The following BCKDHB variants were observed in gnomAD, a reference collection of about 807,000 sequenced individuals.
The protein encoded by BCKDHB is branched chain keto acid dehydrogenase E1 subunit beta.
BCKDHB carries 41 observed loss-of-function variants against 48.5 expected under a neutral mutation model. The ratio of observed to expected loss-of-function variants is 0.85; its 90% CI spans 0.66 to 1.10. BCKDHB has a LOEUF of 1.10. BCKDHB is among the 50% of genes least tolerant of loss of function. The pLI, the probability that BCKDHB is intolerant of heterozygous loss-of-function variation, is 0.00. For missense variants in BCKDHB, 496 were observed against 494.2 expected (o/e 1.00, Z -0.03); for synonymous variants, 201 against 174.8 (o/e 1.15, Z -1.18).
At chr6:80,294,474 A>G (rs1185106196) in intron 9 of BCKDHB, among the ~76,000 whole-genome samples, 2 of 152,210 alleles carry the variant, frequency 1.3e-5, no homozygotes, top group South Asian at 2.1e-4. Flanking sequence ...GTGGGGTTGG[A>G]CAAAAAGAGC....
the BCKDHB span, among the ~76,000 whole-genome samples, chr6:80,433,391 A>T: frequency 6.6e-6 from 1 of 152,166 alleles, no homozygotes. Context: ...GTCTGGCCTC[A>T]GAGGCCTTGC....
chr6:80,256,420 G>A (rs911335571), intron 8 of BCKDHB, among the ~76,000 whole-genome samples: 1 of 152,172 alleles, frequency 6.6e-6, no homozygotes, highest in African/African-American at 2.4e-5. Context: ...ACAATGGTAA[G>A]TATTTGTGTA....
chr6:80,447,810 C>G, the BCKDHB span, among the ~76,000 whole-genome samples: 1 of 152,106 alleles, frequency 6.6e-6, no homozygotes, highest in Non-Finnish European at 1.5e-5. Flanking sequence ...ACTAGGCACT[C>G]TCTGTTCAAT....
the BCKDHB span, among the ~76,000 whole-genome samples, chr6:80,411,100 T>G: frequency 2.6e-5 from 4 of 152,186 alleles, no homozygotes. Context: ...CCTTTGGTCT[T>G]TGATGTTGGT....
the BCKDHB span, among the ~76,000 whole-genome samples, chr6:80,413,880 T>C: frequency 8.5e-5 from 13 of 152,194 alleles, no homozygotes; most frequent in Admixed American, 4.6e-4. Flanking sequence ...TGCAACACTG[T>C]CTTCCACAAT....
rs980271237 is a variant in BCKDHB at position 80,131,646 on chromosome 6, CT to C, written c.343+2431del. On this transcript the variant is annotated intron_variant, in intron 3 of 9. Transcript: ENST00000320393. Reference sequence around the variant, plus strand: ...ATTTCTTAGCAGGACATACAAAATACTTTTTTTTTTTTTTGAGATGGAGTCT... The same window carrying C: ...ATTTCTTAGCAGGACATACAAAATACTTTTTTTTTTTTTGAGATGGAGTCT... 7.6e-3 allele frequency among the ~76,000 whole-genome samples: 1,106 copies of C among 145,074 alleles called. 7 individuals are homozygous for C. Among genetic ancestry groups the C allele is most frequent in the African/African-American group, 0.02 (789 of 39,964 alleles).
In BCKDHB at chr6:80,172,307, G is replaced by A. The variant is rs540277510; in HGVS notation, c.742+917G>A. ...ATATTAGAACATTTCTACTTAGTAA[G>A]GAACATGGTCATTATATTGGATGAA... On this transcript the variant is annotated intron_variant, in intron 6 of 9. Coordinates refer to ENST00000320393, the MANE Select transcript of BCKDHB (RefSeq NM_183050.4). 2.1e-3 allele frequency among the ~76,000 whole-genome samples: 318 copies of A among 151,888 alleles called. 4 individuals are homozygous for A. Among genetic ancestry groups the A allele is most frequent in the Non-Finnish European group, 4.0e-3 (272 of 67,876 alleles).
At chr6:80,113,646 G>A (rs557086618) in intron 1 of BCKDHB, among the ~76,000 whole-genome samples, 14 of 152,326 alleles carry the variant, frequency 9.2e-5, no homozygotes, top group Middle Eastern at 3.4e-3. Context: ...TCCAAAATAC[G>A]TTACTGGTGG....
At chr6:80,190,320 A>G (rs369926339) in intron 6 of BCKDHB, among the ~76,000 whole-genome samples, 129 of 152,314 alleles carry the variant, frequency 8.5e-4, no homozygotes, top group African/African-American at 3.0e-3. Flanking sequence ...TTTTTAAAAT[A>G]CACAGTTTTT....
chr6:80,324,204 C>T (rs1234478344), intron 9 of BCKDHB, among the ~76,000 whole-genome samples: 2 of 152,210 alleles, frequency 1.3e-5, no homozygotes, highest in Non-Finnish European at 2.9e-5. Context: ...AGCTGGTTCT[C>T]AGTCCTGGTT....
the BCKDHB span, among the ~76,000 whole-genome samples, chr6:80,412,722 C>G: frequency 1.3e-5 from 2 of 152,132 alleles, no homozygotes; most frequent in Non-Finnish European, 2.9e-5. Context: ...GTGTGACCAA[C>G]TCCTTCAGCT....
chr6:80,184,352 T>G (rs781217673), intron 6 of BCKDHB, among the ~76,000 whole-genome samples: 2 of 152,198 alleles, frequency 1.3e-5, no homozygotes, highest in Non-Finnish European at 2.9e-5. Flanking sequence ...TAAGTGAGTC[T>G]CTTGAAGACA....
chr6:80,397,833 C>T, the BCKDHB span, among the ~76,000 whole-genome samples: 3 of 152,134 alleles, frequency 2.0e-5, no homozygotes. Context: ...GAGCTGAGAT[C>T]ACACCACTGC....
chr6:80,310,305 A>G (rs1768090742), intron 9 of BCKDHB, among the ~76,000 whole-genome samples: 1 of 152,022 alleles, frequency 6.6e-6, no homozygotes, highest in East Asian at 1.9e-4. Flanking sequence ...CAGTGTGTCC[A>G]TGTGTTCTCA....
At chr6:80,336,494 A>C (rs575359407) in intron 9 of BCKDHB, among the ~76,000 whole-genome samples, 1,242 of 70,580 alleles carry the variant, frequency 0.018, 39 homozygotes, top group African/African-American at 0.052. Context: ...AGCAAAAAAA[A>C]CCAAAAAAAC....
At chr6:80,339,372 C>T (rs1769775514) in intron 9 of BCKDHB, among the ~76,000 whole-genome samples, 1 of 151,952 alleles carries the variant, frequency 6.6e-6, no homozygotes, top group African/African-American at 2.4e-5. Context: ...GTTGTCTGTC[C>T]TTCCTAATTT....
At chr6:80,382,383 A>G in the BCKDHB span, among the ~76,000 whole-genome samples, 1 of 152,184 alleles carries the variant, frequency 6.6e-6, no homozygotes, top group Non-Finnish European at 1.5e-5. Flanking sequence ...TTCTAATTGT[A>G]TGGAGCCAAA....
At chr6:80,416,154 C>T in the BCKDHB span, among the ~76,000 whole-genome samples, 1 of 151,204 alleles carries the variant, frequency 6.6e-6, no homozygotes, top group African/African-American at 2.4e-5. Flanking sequence ...TATTTGTCTT[C>T]TCTCTTTTCT....
At chr6:80,125,074 C>G (rs1380404577) in intron 1 of BCKDHB, among the ~76,000 whole-genome samples, 1 of 152,162 alleles carries the variant, frequency 6.6e-6, no homozygotes, top group African/African-American at 2.4e-5. Flanking sequence ...CATTGAAAAT[C>G]TTTTGTTTAG....
Sources: allele counts gnomAD v4.1 joint callset (sites outside exome capture counted in the v4.1 genomes callset), GRCh38; gene constraint gnomAD v4.1.1; transcripts MANE v1.5; gene names NCBI Gene and HGNC (gene_info 2026-07-23, HGNC 2026-07-21).